The following VPS13A variants were observed in gnomAD, a reference collection of about 807,000 sequenced individuals.
VPS13A encodes vacuolar protein sorting 13 homolog A.
A neutral mutation model predicts 390.9 loss-of-function variants in VPS13A; 264 were observed. That is an observed-to-expected ratio of 0.68 (90% CI 0.61 to 0.75). VPS13A has a LOEUF of 0.75. VPS13A is among the 30% of genes least tolerant of loss of function. The pLI is 0.00. For synonymous variants in VPS13A, 1,231 were observed against 1,227.1 expected, an observed-to-expected ratio of 1.00 and a Z score of -0.07; for missense variants, 3,409 against 3,733.9, an observed-to-expected ratio of 0.91 and a Z score of 2.27.
intron 19 of VPS13A, among the ~76,000 whole-genome samples, chr9:77,238,717 G>C (rs1824293189): frequency 6.6e-6 from 1 of 152,104 alleles, no homozygotes; most frequent in Non-Finnish European, 1.5e-5. Flanking sequence ...CAGCCTCAGG[G>C]AAAAAAGTTC....
At chr9:77,290,528 C>T (rs1330155460) in intron 31 of VPS13A, among the ~76,000 whole-genome samples, 3 of 152,112 alleles carry the variant, frequency 2.0e-5, no homozygotes, top group East Asian at 1.9e-4. Context: ...TTTTCTCCTC[C>T]TCCACTTTTT....
intron 38 of VPS13A, 86 bp downstream of exon 38, chr9:77,315,556 A>T (rs1364028192): frequency 7.9e-7 from 1 of 1,266,356 alleles, no homozygotes. Context: ...TAGATCATCA[A>T]AGTAAATGCT....
intron 54 of VPS13A, among the ~76,000 whole-genome samples, chr9:77,354,784 C>T (rs1831668337): frequency 6.6e-6 from 1 of 152,130 alleles, no homozygotes; most frequent in Non-Finnish European, 1.5e-5. Flanking sequence ...CAAAAGCAAA[C>T]TTCCAGAGAC....
rs772992372 is a variant in VPS13A, at chr9:77,357,678, GA to G, written c.7807-13del. 1.9e-6 allele frequency: 3 copies of G among 1,612,384 alleles called. No individual in the cohort carries two copies. The South Asian group carries it at 3.3e-5, about 18-fold the overall frequency. ...ATAAATTAATTTTTTCATTTGGGGG[GA>G]CATATTTTTCAGGTTCGCCTAACCC... On this transcript the variant is annotated splice_polypyrimidine_tract_variant and intron_variant, in intron 55 of 71. Transcript: ENST00000360280.
chr9:77,334,513 T>C (rs1830440834), intron 46 of VPS13A, among the ~76,000 whole-genome samples: 2 of 152,176 alleles, frequency 1.3e-5, no homozygotes, highest in Admixed American at 6.5e-5. Context: ...TTTGGGAAAA[T>C]TGTCACTTGG....
At chr9:77,257,033 T>A (rs1825489307) in intron 22 of VPS13A, among the ~76,000 whole-genome samples, 1 of 152,160 alleles carries the variant, frequency 6.6e-6, no homozygotes, top group African/African-American at 2.4e-5. Context: ...GTCATATTGT[T>A]ATTTGCTTTC....
At chr9:77,354,480 G>A (rs1189079353) in intron 54 of VPS13A, among the ~76,000 whole-genome samples, 1 of 152,094 alleles carries the variant, frequency 6.6e-6, no homozygotes, top group Non-Finnish European at 1.5e-5. Flanking sequence ...TCTAAGCTAA[G>A]TGATGTTAAT....
intron 68 of VPS13A, chr9:77,384,489 TCA>T: frequency 1.9e-6 from 3 of 1,552,748 alleles, no homozygotes; most frequent in Non-Finnish European, 2.6e-6. Flanking sequence ...AAAATTATTC[TCA>T]CTCTTTGAAC....
At position 77,417,003 on chromosome 9, in the gene VPS13A, G is replaced by C. The variant is rs1033764731; in HGVS notation, c.*997G>C. The C allele has an allele frequency of 2.6e-5, 4 of 152,394 alleles. No individual in the cohort carries two copies. The highest frequency in any genetic ancestry group is 7.2e-5 in the African/African-American group (3 of 41,442). 9.4% of individuals were successfully genotyped at this position (152,394 alleles called of 1,614,324 possible). Reference sequence around the variant, plus strand: ...TTGCTTACTCTACAGTTATTCAAATGAGAGTCACGCTTTTAAATTTACAGC... The same window carrying C: ...TTGCTTACTCTACAGTTATTCAAATCAGAGTCACGCTTTTAAATTTACAGC... On this transcript the variant is annotated 3_prime_UTR_variant, in exon 72 of 72. Coordinates refer to ENST00000360280, the MANE Select transcript of VPS13A (RefSeq NM_033305.3).
intron 70 of VPS13A, 93 bp downstream of exon 70, chr9:77,406,080 A>G: frequency 1.3e-6 from 2 of 1,518,100 alleles, no homozygotes; most frequent in South Asian, 2.3e-5. Flanking sequence ...TACCTCTTTT[A>G]TAGATGTCAC....
At chr9:77,212,575 A>G (rs1376097463) in intron 7 of VPS13A, among the ~76,000 whole-genome samples, 1 of 152,088 alleles carries the variant, frequency 6.6e-6, no homozygotes, top group Non-Finnish European at 1.5e-5. Context: ...GCCTCAAGCA[A>G]TCCTCCCAAC....
At chr9:77,366,913 T>G in intron 61 of VPS13A, 41 bp downstream of exon 61, 1 of 1,597,050 alleles carries the variant, frequency 6.3e-7, no homozygotes, top group East Asian at 2.2e-5. Flanking sequence ...TGGAAATATT[T>G]CTATTTTATA....
At chr9:77,240,482 T>G (rs12555589) in intron 19 of VPS13A, among the ~76,000 whole-genome samples, 98 of 116,116 alleles carry the variant, frequency 8.4e-4, no homozygotes, top group East Asian at 7.6e-3. Context: ...GTTTTTGTTT[T>G]TTTTTTTTTT....
intron 59 of VPS13A, 102 bp downstream of exon 59, chr9:77,360,743 C>G: frequency 1.1e-6 from 1 of 876,390 alleles, no homozygotes; most frequent in Non-Finnish European, 1.8e-6. Flanking sequence ...TTTAAAAATA[C>G]AATTAAATAA....
Position 77,213,313 on chromosome 9 carries a change from T to C in VPS13A, c.695T>C (p.Leu232Ser). The change falls in exon 9 of 72, where the codon TTG (leucine) becomes TCG (serine). Residue 232 changes from leucine (L) to serine (S), a missense_variant and splice_region_variant. Leu to Ser is a moderately radical substitution (Grantham distance 145). Transcript: ENST00000360280. ...MFYLSDYDNSLDDLKNGIVNE... is the reference protein window; with the variant it reads ...MFYLSDYDNSSDDLKNGIVNE... ...TATCTTAGTGATTATGATAACTCCT[T>C]GGTAAGTAAATTTTTTCTGTATGTA... 1 of 1,611,910 alleles carries C rather than the reference T, an allele frequency of 6.2e-7. No individual in the cohort carries two copies. Among genetic ancestry groups the C allele is most frequent in the South Asian group, 1.1e-5 (1 of 90,998 alleles).
chr9:77,277,230 A>G (rs1826736788), intron 26 of VPS13A, among the ~76,000 whole-genome samples: 1 of 152,210 alleles, frequency 6.6e-6, no homozygotes, highest in South Asian at 2.1e-4. Context: ...GCATAATAAT[A>G]TTATGTATGA....
intron 69 of VPS13A, among the ~76,000 whole-genome samples, chr9:77,405,652 G>GTTATC (rs1416103671): frequency 1.3e-5 from 2 of 152,076 alleles, no homozygotes; most frequent in African/African-American, 4.8e-5. Context: ...AAATACTATT[G>GTTATC]TTATCTTTTT....
rs79381492 is a variant in VPS13A, at chr9:77,388,527, A to G, written c.9189+6440A>G. The stretch of plus-strand genomic sequence containing the variant: ...AGCAACAGTCTACCTCCAAATATCA[A>G]TTTTAAAACACACGTTTAACAGTGT... On this transcript the variant is annotated intron_variant, in intron 68 of 71. Coordinates refer to ENST00000360280, the MANE Select transcript of VPS13A (RefSeq NM_033305.3). Among the ~76,000 whole-genome samples, 53 of 151,228 alleles carry G rather than the reference A, an allele frequency of 3.5e-4. 1 individual carries two copies. In the East Asian group the frequency reaches 9.3e-3, roughly 26 times the overall value.
intron 13 of VPS13A, among the ~76,000 whole-genome samples, chr9:77,224,403 C>G (rs573255251): frequency 2.6e-5 from 4 of 152,252 alleles, no homozygotes; most frequent in African/African-American, 9.6e-5. Flanking sequence ...AAAGGATTTG[C>G]CATTCTATAT....
Sources: allele counts gnomAD v4.1 joint callset (sites outside exome capture counted in the v4.1 genomes callset), GRCh38; gene constraint gnomAD v4.1.1; transcripts MANE v1.5; gene names NCBI Gene and HGNC (gene_info 2026-07-23, HGNC 2026-07-21).